MAP2K1: variants seen among roughly 807,000 people sequenced by gnomAD.
MAP2K1 encodes mitogen-activated protein kinase kinase 1.
Under a neutral mutation model 46.3 loss-of-function variants are expected in MAP2K1, and 16 were observed. That is an observed-to-expected ratio of 0.35 (90% CI 0.23 to 0.52). MAP2K1 has a LOEUF of 0.52. Among genes scored for constraint, MAP2K1 ranks in the 20% least tolerant of loss-of-function variants. The pLI is 0.94. For synonymous variants in MAP2K1, 183 were observed against 185.6 expected (o/e 0.99, Z 0.11); for missense variants, 263 against 497.1 (o/e 0.53, Z 4.48).
At chr15:66,398,719 T>A (rs1447968387) in intron 1 of MAP2K1, among the ~76,000 whole-genome samples, 1 of 151,774 alleles carries the variant, frequency 6.6e-6, no homozygotes, top group East Asian at 1.9e-4. Flanking sequence ...AAAATAGTTA[T>A]AAAATGCATT....
chr15:66,464,583 G>A (rs1892414762), intron 5 of MAP2K1, among the ~76,000 whole-genome samples: 1 of 152,082 alleles, frequency 6.6e-6, no homozygotes, highest in Non-Finnish European at 1.5e-5. Context: ...AGAGTGCAGT[G>A]GCGTGATCTT....
intron 1 of MAP2K1, among the ~76,000 whole-genome samples, chr15:66,391,570 C>T (rs538621546): frequency 6.6e-6 from 1 of 152,294 alleles, no homozygotes; most frequent in Admixed American, 6.5e-5. Flanking sequence ...CTGTGCCCAG[C>T]CTGCACTGCC....
intron 10 of MAP2K1, chr15:66,490,224 C>T (rs1296139737): frequency 6.9e-6 from 4 of 582,088 alleles, no homozygotes; most frequent in African/African-American, 1.9e-5. Context: ...TTTGTCCCTT[C>T]TAACAAGCCT....
intron 1 of MAP2K1, among the ~76,000 whole-genome samples, chr15:66,395,387 C>G (rs1053072657): frequency 6.6e-6 from 1 of 152,092 alleles, no homozygotes; most frequent in Non-Finnish European, 1.5e-5. Flanking sequence ...AGCTGTTGGC[C>G]CTGCCTTGCC....
intron 5 of MAP2K1, chr15:66,453,437 A>G (rs1892087417): frequency 2.9e-6 from 2 of 699,932 alleles, no homozygotes; most frequent in Non-Finnish European, 5.2e-6. Context: ...AGCATTTCAG[A>G]CTCCTGTTGT....
At chr15:66,418,620 T>C (rs2093429960) in intron 1 of MAP2K1, among the ~76,000 whole-genome samples, 1 of 151,982 alleles carries the variant, frequency 6.6e-6, no homozygotes, top group Admixed American at 6.6e-5. Flanking sequence ...TGTTTAGTGG[T>C]CACCACCAGA....
intron 5 of MAP2K1, chr15:66,453,401 T>G: frequency 1.5e-6 from 1 of 689,020 alleles, no homozygotes. Context: ...CTAGAAGGAC[T>G]TCTGTGTGGG....
rs2093343951 is a variant in MAP2K1 at position 66,387,367 on chromosome 15, C to T, written c.20C>T (p.Thr7Met). MPKKKP[T>M]PIQLNPAPDG... ...TCCAAAATGCCCAAGAAGAAGCCGACGCCCATCCAGCTGAACCCGGCCCCC... is the reference window on the plus strand; with the variant it reads ...TCCAAAATGCCCAAGAAGAAGCCGATGCCCATCCAGCTGAACCCGGCCCCC... Residue 7 changes from threonine to methionine, a missense_variant, in exon 1 of 11, where the codon ACG (threonine) becomes ATG (methionine). Transcript: ENST00000307102. 2 of 1,565,400 alleles carry T rather than the reference C, an allele frequency of 1.3e-6. No homozygotes were observed. The highest frequency in any genetic ancestry group is 1.2e-5 in the South Asian group (1 of 85,182).
intron 1 of MAP2K1, among the ~76,000 whole-genome samples, chr15:66,407,339 A>C (rs1159987774): frequency 6.6e-6 from 1 of 151,990 alleles, no homozygotes; most frequent in Non-Finnish European, 1.5e-5. Flanking sequence ...ATTTGACTCC[A>C]GAGACTAACC....
In MAP2K1 at chr15:66,443,366, G is replaced by C. The variant is rs776863823; in HGVS notation, c.516+9G>C. ...GAAAAGTTAGCATTGCTGTGAGTAT[G>C]TTATGAAGTTTTTCTTCTAAGTTCC... is the stretch of plus-strand genomic sequence containing the variant. On this transcript the variant is annotated intron_variant, in intron 4 of 10. Coordinates refer to ENST00000307102, the MANE Select transcript of MAP2K1 (RefSeq NM_002755.4). The C allele has an allele frequency of 4.5e-6, 7 of 1,568,284 alleles. No homozygotes were observed. The highest frequency in any genetic ancestry group is 1.7e-5 in the Admixed American group (1 of 59,908).
chr15:66,434,017 G>C (rs1364594868), intron 1 of MAP2K1, among the ~76,000 whole-genome samples: 2 of 152,222 alleles, frequency 1.3e-5, no homozygotes, highest in Non-Finnish European at 2.9e-5. Context: ...GCTGAATTAT[G>C]TGCTTACCAA....
chr15:66,390,492 T>C (rs1211876482), intron 1 of MAP2K1, among the ~76,000 whole-genome samples: 2 of 152,222 alleles, frequency 1.3e-5, no homozygotes, highest in Non-Finnish European at 2.9e-5. Context: ...CCTTGGCACC[T>C]GTGCTTACCT....
intron 1 of MAP2K1, among the ~76,000 whole-genome samples, chr15:66,404,962 A>G (rs1206910810): frequency 6.6e-6 from 1 of 152,236 alleles, no homozygotes; most frequent in African/African-American, 2.4e-5. Context: ...TCCTACTGCA[A>G]GAAAGAGAGT....
intron 1 of MAP2K1, among the ~76,000 whole-genome samples, chr15:66,405,873 C>T (rs1046885012): frequency 9.9e-5 from 15 of 152,194 alleles, no homozygotes; most frequent in African/African-American, 3.6e-4. Context: ...GACTTCCTAC[C>T]AAGCGCTTTG....
At chr15:66,482,532 C>G (rs1438007462) in intron 6 of MAP2K1, among the ~76,000 whole-genome samples, 1 of 152,226 alleles carries the variant, frequency 6.6e-6, no homozygotes, top group Non-Finnish European at 1.5e-5. Flanking sequence ...CCTCCTGCTC[C>G]TGGCTCTGCT....
At chr15:66,391,296 T>C (rs1426726521) in intron 1 of MAP2K1, among the ~76,000 whole-genome samples, 4 of 152,200 alleles carry the variant, frequency 2.6e-5, no homozygotes, top group Non-Finnish European at 5.9e-5. Context: ...AGCACTGCCT[T>C]TTTGTTTTTT....
chr15:66,438,123 G>T (rs2093493706), intron 3 of MAP2K1, among the ~76,000 whole-genome samples: 1 of 146,994 alleles, frequency 6.8e-6, no homozygotes, highest in African/African-American at 2.5e-5. Context: ...GTCTCGCCCT[G>T]TCACCCAGGC....
chr15:66,403,492 G>A (rs190804508), intron 1 of MAP2K1, among the ~76,000 whole-genome samples: 4 of 152,166 alleles, frequency 2.6e-5, no homozygotes, highest in East Asian at 1.9e-4. Context: ...CAAAATAACC[G>A]CAGACGAAAG....
intron 3 of MAP2K1, among the ~76,000 whole-genome samples, chr15:66,440,292 A>G (rs1595863653): frequency 1.3e-5 from 2 of 152,110 alleles, no homozygotes; most frequent in South Asian, 2.1e-4. Flanking sequence ...GGGTTTCACT[A>G]TGTTGCCTGT....
Sources: gnomAD v4.1 joint callset for allele counts (sites outside exome capture counted in the v4.1 genomes callset) on GRCh38, gnomAD v4.1.1 for gene constraint, MANE v1.5 for transcripts, NCBI Gene and HGNC (gene_info 2026-07-23, HGNC 2026-07-21) for gene names.